Variants in CEP57 observed in about 807,000 individuals in gnomAD.
The protein encoded by CEP57 is centrosomal protein 57, also known as centrosomal protein of 57 kDa.
A neutral mutation model predicts 68.0 loss-of-function variants in CEP57; 40 were observed. That is an observed-to-expected ratio of 0.59 (90% CI 0.46 to 0.77). The LOEUF (loss-of-function observed/expected upper bound fraction) is 0.77. Among genes scored for constraint, CEP57 ranks in the 30% least tolerant of loss-of-function variants. CEP57 has a pLI of 0.00. For missense variants in CEP57, 606 were observed against 580.7 expected, an observed-to-expected ratio of 1.04 and a Z score of -0.45; for synonymous variants, 219 against 198.7, an observed-to-expected ratio of 1.10 and a Z score of -0.86.
chr11:95,809,827 G>T (rs149660437), intron 2 of CEP57, among the ~76,000 whole-genome samples: 2 of 152,202 alleles, frequency 1.3e-5, no homozygotes, highest in East Asian at 3.9e-4. Context: ...GGAAAAAGAG[G>T]TAATCCTCCC....
chr11:95,831,875 T>G lies in CEP57; in HGVS notation c.*619T>G, dbSNP rs1387624850. 1.3e-5 allele frequency: 2 copies of G among 152,148 alleles called. No individual in the cohort carries two copies. The highest frequency in any genetic ancestry group is 1.9e-4 in the East Asian group (1 of 5,206). 9.4% of individuals were successfully genotyped at this position (152,148 alleles called of 1,614,324 possible). On this transcript the variant is annotated 3_prime_UTR_variant, in exon 11 of 11. Transcript: ENST00000325542. ...AATTTTTTAAAGACCCAAGCAGTCA[T>G]TTTGAGTTATATCTATAAAAATTAT...
At chr11:95,790,826 TC>T in intron 1 of CEP57, 83 bp downstream of exon 1, 1 of 1,514,648 alleles carries the variant, frequency 6.6e-7, no homozygotes, top group African/African-American at 1.4e-5. Flanking sequence ...GCGCTGTCAG[TC>T]CAGCTTCTGA....
At chr11:95,794,468 T>C (rs1406980992) in intron 1 of CEP57, 4 of 370,360 alleles carry the variant, frequency 1.1e-5, no homozygotes, top group East Asian at 7.3e-5. Context: ...ATCGTCCCAC[T>C]TGTAAATTTT....
intron 4 of CEP57, among the ~76,000 whole-genome samples, 163 bp from the exon 5 acceptor site, chr11:95,817,624 T>C (rs1862352510): frequency 6.6e-6 from 1 of 152,144 alleles, no homozygotes; most frequent in Non-Finnish European, 1.5e-5. Context: ...CAGTATCCAC[T>C]TATATCAGTC....
intron 4 of CEP57, 45 bp downstream of exon 4, chr11:95,813,634 G>T: frequency 6.2e-7 from 1 of 1,607,962 alleles, no homozygotes; most frequent in South Asian, 1.1e-5. Flanking sequence ...ACAGTTATGG[G>T]GAAAACTAAT....
At chr11:95,820,450 G>T (rs1366831905) in intron 6 of CEP57, among the ~76,000 whole-genome samples, 1 of 151,920 alleles carries the variant, frequency 6.6e-6, no homozygotes, top group African/African-American at 2.4e-5. Context: ...AATTGGCCGG[G>T]TATGGTGGTG....
intron 8 of CEP57, chr11:95,827,269 T>C (rs1862783146): frequency 6.4e-6 from 1 of 156,484 alleles, no homozygotes; most frequent in Admixed American, 6.3e-5. Flanking sequence ...CAATAGTGTC[T>C]ACCACCTGGA....
chr11:95,803,317 A>T (rs1003025623), intron 2 of CEP57, among the ~76,000 whole-genome samples: 1 of 152,204 alleles, frequency 6.6e-6, no homozygotes, highest in South Asian at 2.1e-4. Context: ...AATGAAAATT[A>T]AAAAGTCAAG....
At chr11:95,829,399 TA>T in intron 10 of CEP57, 68 bp downstream of exon 10, 1 of 1,447,636 alleles carries the variant, frequency 6.9e-7, no homozygotes. Context: ...ATTCAAATAT[TA>T]AATGATGACA....
intron 7 of CEP57, 128 bp downstream of exon 7, chr11:95,822,106 C>T (rs1331112538): frequency 1.2e-5 from 9 of 734,584 alleles, no homozygotes; most frequent in Non-Finnish European, 1.7e-5. Context: ...TTTCTTCATT[C>T]AGAAGGTGGA....
rs1353749071 is a variant in CEP57 at position 95,798,704 on chromosome 11, G to GT, written c.46-525dup. On this transcript the variant is annotated intron_variant, in intron 1 of 10. Transcript: ENST00000325542. ...GTGTACTGTGGAAATAAAGTTTTAT[G>GT]TTTGAGTGTTTGATGGGCCTTAATG... Among the ~76,000 whole-genome samples the GT allele has an allele frequency of 1.2e-4, 19 of 152,296 alleles. No individual in the cohort carries two copies. The East Asian group carries it at 3.5e-3, about 28-fold the overall frequency.
intron 2 of CEP57, among the ~76,000 whole-genome samples, chr11:95,800,657 T>C (rs1169123137): frequency 2.6e-5 from 4 of 152,304 alleles, no homozygotes; most frequent in Middle Eastern, 6.8e-3. Flanking sequence ...CCCAAAGTGC[T>C]GGGATTACAG....
At chr11:95,829,052 A>AG in intron 9 of CEP57, 135 bp from the exon 10 acceptor site, 1 of 973,576 alleles carries the variant, frequency 1.0e-6, no homozygotes, top group East Asian at 2.5e-5. Context: ...AAAAAAAAAA[A>AG]AAAAATTTAT....
intron 6 of CEP57, among the ~76,000 whole-genome samples, chr11:95,819,655 A>G (rs1169646369): frequency 6.6e-6 from 1 of 152,086 alleles, no homozygotes; most frequent in Non-Finnish European, 1.5e-5. Flanking sequence ...TGATATTTGC[A>G]TGTATCTTTT....
At chr11:95,818,712 C>T in intron 5 of CEP57, 115 bp from the exon 6 acceptor site, 1 of 787,276 alleles carries the variant, frequency 1.3e-6, no homozygotes, top group Non-Finnish European at 2.2e-6. Context: ...CTACAGTGAT[C>T]TAACCACCTT....
At chr11:95,801,277 G>A (rs498553) in intron 2 of CEP57, among the ~76,000 whole-genome samples, 90,371 of 151,818 alleles carry the variant, frequency 0.6, 29,111 homozygotes, top group African/African-American at 0.86. Flanking sequence ...TTAGTACTCT[G>A]TAATCACTAA....
chr11:95,806,753 C>T (rs1364974383), intron 2 of CEP57, among the ~76,000 whole-genome samples: 1 of 152,212 alleles, frequency 6.6e-6, no homozygotes, highest in Non-Finnish European at 1.5e-5. Flanking sequence ...CACCGCAGCT[C>T]AAAGAGGCCT....
chr11:95,790,297 C>G, upstream of CEP57: 1 of 298,730 alleles, frequency 3.3e-6, no homozygotes, highest in African/African-American at 2.1e-5. Flanking sequence ...CACTACTCGC[C>G]CACGCTTCTT....
chr11:95,809,849 A>T (rs1260685054), intron 2 of CEP57, among the ~76,000 whole-genome samples: 3 of 152,226 alleles, frequency 2.0e-5, no homozygotes, highest in African/African-American at 7.2e-5. Context: ...AACTCATTTT[A>T]TGAAGCCAGC....
Sources: allele counts gnomAD v4.1 joint callset (sites outside exome capture counted in the v4.1 genomes callset), GRCh38; gene constraint gnomAD v4.1.1; transcripts MANE v1.5; gene names NCBI Gene and HGNC (gene_info 2026-07-23, HGNC 2026-07-21).